The following PTPRT variants were observed in gnomAD, a reference collection of about 807,000 sequenced individuals.
The protein encoded by PTPRT is protein tyrosine phosphatase receptor type T.
PTPRT carries 56 observed loss-of-function variants against 176.8 expected under a neutral mutation model. The observed-to-expected ratio is 0.32, with a 90% CI of 0.26 to 0.40. The LOEUF is 0.40. Ranked by LOEUF, PTPRT falls within the 10% of genes least tolerant of loss-of-function variation. The probability of loss-of-function intolerance (pLI) is 1.00; values close to 1 mark genes in which losing one functional copy is unlikely to be tolerated. For missense variants in PTPRT, 1,540 were observed against 1,908.2 expected, an observed-to-expected ratio of 0.81 and a Z score of 3.60; for synonymous variants, 783 against 739.0, an observed-to-expected ratio of 1.06 and a Z score of -0.96.
At chr20:42,730,832 G>A (rs545160284) in intron 6 of PTPRT, among the ~76,000 whole-genome samples, 2 of 152,264 alleles carry the variant, frequency 1.3e-5, no homozygotes, top group East Asian at 1.9e-4. Flanking sequence ...AATTCTAAAG[G>A]AGCATCCCAG....
rs1391682626 is a variant in PTPRT at position 42,118,849 on chromosome 20, C to G, written c.2885-349G>C. On this transcript the variant is annotated intron_variant, in intron 20 of 30. Coordinates refer to ENST00000373187, the MANE Select transcript of PTPRT (RefSeq NM_007050.6). Reference sequence around the variant, plus strand: ...CTGTATTATGGCTTAAGGGAGTTTTCGAAAATTGGTCTCCAGAACCTCCAT... The same window carrying G: ...CTGTATTATGGCTTAAGGGAGTTTTGGAAAATTGGTCTCCAGAACCTCCAT... Among the ~76,000 whole-genome samples, 6 of 151,660 alleles carry G rather than the reference C, an allele frequency of 4.0e-5. No homozygotes were observed. The East Asian group carries it at 1.2e-3, about 30-fold the overall frequency.
intron 1 of PTPRT, among the ~76,000 whole-genome samples, chr20:43,025,876 C>A (rs1257086426): frequency 6.6e-6 from 1 of 151,996 alleles, no homozygotes; most frequent in African/African-American, 2.4e-5. Context: ...TCTCTGGCAC[C>A]CTTGCTTAGG....
At chr20:42,201,249 G>A (rs1327931916) in intron 15 of PTPRT, among the ~76,000 whole-genome samples, 2 of 152,104 alleles carry the variant, frequency 1.3e-5, no homozygotes, top group Admixed American at 6.5e-5. Context: ...GCAGTGAGCC[G>A]AGATCACGCC....
chr20:42,452,761 G>A (rs1210320562), intron 8 of PTPRT, among the ~76,000 whole-genome samples: 1 of 152,146 alleles, frequency 6.6e-6, no homozygotes, highest in Non-Finnish European at 1.5e-5. Context: ...TCAGATGAAT[G>A]GAAAGTACAG....
At chr20:42,502,266 T>C (rs2071763058) in intron 7 of PTPRT, among the ~76,000 whole-genome samples, 1 of 152,024 alleles carries the variant, frequency 6.6e-6, no homozygotes, top group South Asian at 2.1e-4. Flanking sequence ...AATTCACTTC[T>C]GTCTATGAAA....
At chr20:42,268,554 T>A (rs1173041201) in intron 13 of PTPRT, among the ~76,000 whole-genome samples, 1 of 152,198 alleles carries the variant, frequency 6.6e-6, no homozygotes, top group Non-Finnish European at 1.5e-5. Flanking sequence ...GGGCCTCTGA[T>A]AAGGTAGGGC....
intron 7 of PTPRT, among the ~76,000 whole-genome samples, chr20:42,519,696 A>T (rs926666664): frequency 6.6e-6 from 1 of 152,044 alleles, no homozygotes; most frequent in Non-Finnish European, 1.5e-5. Flanking sequence ...TATTTGATCA[A>T]TTTTATGCAT....
intron 1 of PTPRT, among the ~76,000 whole-genome samples, chr20:42,966,991 G>A (rs1982332914): frequency 6.6e-6 from 1 of 152,170 alleles, no homozygotes; most frequent in South Asian, 2.1e-4. Flanking sequence ...TTCTTTAAGA[G>A]AGGCATTTGG....
At chr20:42,812,615 T>G (rs1020531177) in intron 2 of PTPRT, among the ~76,000 whole-genome samples, 6 of 152,160 alleles carry the variant, frequency 3.9e-5, no homozygotes, top group African/African-American at 1.4e-4. Context: ...TTCAGTTATT[T>G]ATTCGCTTCA....
intron 1 of PTPRT, among the ~76,000 whole-genome samples, chr20:42,999,718 G>A (rs1023064153): frequency 5.3e-5 from 8 of 151,882 alleles, no homozygotes; most frequent in Non-Finnish European, 1.2e-4. Flanking sequence ...GAGGCCAGAG[G>A]ATCACTTGAG....
chr20:42,976,152 T>C (rs1050372378), intron 1 of PTPRT, among the ~76,000 whole-genome samples: 63 of 152,318 alleles, frequency 4.1e-4, no homozygotes, highest in African/African-American at 1.4e-3. Context: ...ATGCTAATGA[T>C]CAGGATCTTT....
chr20:42,201,598 C>A (rs1293695984), intron 15 of PTPRT, among the ~76,000 whole-genome samples: 2 of 151,846 alleles, frequency 1.3e-5, no homozygotes, highest in African/African-American at 2.4e-5. Flanking sequence ...ACCAGAGGAA[C>A]AAATAGAGGA....
At chr20:42,272,424 A>G (rs984167304) in intron 13 of PTPRT, among the ~76,000 whole-genome samples, 1 of 151,896 alleles carries the variant, frequency 6.6e-6, no homozygotes, top group African/African-American at 2.4e-5. Context: ...TTTAACCCCA[A>G]TGCTCTCAGA....
chr20:42,182,547 C>T (rs932655192), intron 16 of PTPRT, among the ~76,000 whole-genome samples: 3 of 152,090 alleles, frequency 2.0e-5, no homozygotes. Context: ...TGGAATGACT[C>T]CTATGTTCTG....
the PTPRT span, among the ~76,000 whole-genome samples, chr20:42,044,922 C>T: frequency 6.6e-6 from 1 of 152,204 alleles, no homozygotes; most frequent in Non-Finnish European, 1.5e-5. Flanking sequence ...CTTTTTCCCA[C>T]TTCTAAAGGC....
intron 9 of PTPRT, among the ~76,000 whole-genome samples, chr20:42,424,762 C>A (rs995628252): frequency 6.6e-6 from 1 of 150,870 alleles, no homozygotes; most frequent in African/African-American, 2.4e-5. Flanking sequence ...GATGAGAACA[C>A]AAATATAAAA....
chr20:42,098,380 C>A (rs770017992), intron 27 of PTPRT, 41 bp downstream of exon 27: 12 of 1,607,766 alleles, frequency 7.5e-6, no homozygotes, highest in Non-Finnish European at 1.0e-5. Flanking sequence ...TAGAGCATGG[C>A]CCCCCTGACC....
At chr20:42,478,034 G>A (rs1249073756) in intron 7 of PTPRT, among the ~76,000 whole-genome samples, 2 of 152,100 alleles carry the variant, frequency 1.3e-5, no homozygotes, top group East Asian at 1.9e-4. Flanking sequence ...TCCCTGCCAC[G>A]AGGCCCTACA....
intron 7 of PTPRT, among the ~76,000 whole-genome samples, chr20:42,669,285 A>G (rs1276972949): frequency 1.3e-5 from 2 of 152,120 alleles, no homozygotes; most frequent in Non-Finnish European, 2.9e-5. Context: ...TGTCCCTTCG[A>G]GCATGGTGTG....
Sources: gnomAD v4.1 joint callset for allele counts (sites outside exome capture counted in the v4.1 genomes callset) on GRCh38, gnomAD v4.1.1 for gene constraint, MANE v1.5 for transcripts, NCBI Gene and HGNC (gene_info 2026-07-23, HGNC 2026-07-21) for gene names.